The following CACNA2D1 variants were observed in gnomAD, a reference collection of about 807,000 sequenced individuals.
The protein encoded by CACNA2D1 is voltage-dependent calcium channel subunit alpha-2/delta-1.
CACNA2D1 carries 53 observed loss-of-function variants against 171.5 expected under a neutral mutation model. The ratio of observed to expected loss-of-function variants is 0.31; its 90% CI spans 0.25 to 0.39. CACNA2D1 has a LOEUF of 0.39. CACNA2D1 is among the 10% of genes least tolerant of loss of function. The pLI is 1.00. For synonymous variants in CACNA2D1, 442 were observed against 443.1 expected (o/e 1.00, Z 0.03); for missense variants, 903 against 1,299.8 (o/e 0.69, Z 4.69).
At chr7:81,978,822 T>C (rs1981679) in intron 24 of CACNA2D1, among the ~76,000 whole-genome samples, 1 of 33,340 alleles carries the variant, frequency 3.0e-5, no homozygotes, top group Non-Finnish European at 6.2e-5. Flanking sequence ...ATATATATAT[T>C]TATTTATTTA....
At chr7:82,130,498 A>G (rs1006838703) in intron 5 of CACNA2D1, among the ~76,000 whole-genome samples, 3 of 152,040 alleles carry the variant, frequency 2.0e-5, no homozygotes, top group Non-Finnish European at 4.4e-5. Context: ...ATAATCATAA[A>G]ATGAGATAAT....
chr7:82,371,796 G>C (rs1410430816), intron 1 of CACNA2D1, among the ~76,000 whole-genome samples: 1 of 151,934 alleles, frequency 6.6e-6, no homozygotes, highest in Non-Finnish European at 1.5e-5. Flanking sequence ...GGTTGGTCTC[G>C]AACTCCTGAC....
chr7:82,126,003 C>T (rs1790294748), intron 5 of CACNA2D1, among the ~76,000 whole-genome samples: 1 of 152,142 alleles, frequency 6.6e-6, no homozygotes, highest in Non-Finnish European at 1.5e-5. Context: ...TAATGTTTTT[C>T]ACAATTACAT....
At chr7:82,326,244 T>G (rs1470333266) in intron 3 of CACNA2D1, among the ~76,000 whole-genome samples, 1 of 152,234 alleles carries the variant, frequency 6.6e-6, no homozygotes, top group Non-Finnish European at 1.5e-5. Flanking sequence ...CTTAGTGATA[T>G]TTTTGTGACC....
intron 1 of CACNA2D1, among the ~76,000 whole-genome samples, chr7:82,371,351 G>A (rs1822386594): frequency 6.6e-6 from 1 of 152,042 alleles, no homozygotes; most frequent in African/African-American, 2.4e-5. Context: ...ATGTGAGACA[G>A]TTACATCATC....
chr7:81,964,020 T>C, intron 34 of CACNA2D1, 36 bp downstream of exon 34: 1 of 1,563,794 alleles, frequency 6.4e-7, no homozygotes, highest in South Asian at 1.1e-5. Context: ...ACAACTTCTT[T>C]CTTTCATTAC....
chr7:82,258,862 C>G (rs190418798), intron 3 of CACNA2D1, among the ~76,000 whole-genome samples: 82 of 120,672 alleles, frequency 6.8e-4, no homozygotes, highest in African/African-American at 2.4e-3. Flanking sequence ...CTCCGTTGCA[C>G]AGGCTGGAGT....
intron 1 of CACNA2D1, among the ~76,000 whole-genome samples, chr7:82,411,283 G>C (rs998243234): frequency 3.9e-5 from 6 of 152,170 alleles, no homozygotes; most frequent in African/African-American, 9.7e-5. Flanking sequence ...AGATAGACCT[G>C]AGTTATAGCC....
chr7:82,443,676 G>A lies in CACNA2D1; in HGVS notation c.-217C>T. On this transcript the variant is annotated 5_prime_UTR_variant, in exon 1 of 39. Coordinates refer to ENST00000356860, the MANE Select transcript of CACNA2D1 (RefSeq NM_000722.4). ...CGGTGGCGGGCGGACCCACTAGCGT[G>A]CGTCGGCTGCTCCGCGCCGCGGCCG... is the stretch of plus-strand genomic sequence containing the variant. 1 of 1,246,668 alleles carries A rather than the reference G, an allele frequency of 8.0e-7. No individual in the cohort carries two copies. Among genetic ancestry groups the A allele is most frequent in the Non-Finnish European group, 1.0e-6 (1 of 999,680 alleles). The allele number at this position is 1,246,668 out of a possible 1,614,324, so 77.2% of individuals were successfully genotyped here.
intron 4 of CACNA2D1, among the ~76,000 whole-genome samples, chr7:82,157,015 G>C (rs17245850): frequency 0.21 from 32,179 of 152,014 alleles, 4,045 homozygotes; most frequent in Middle Eastern, 0.28. Flanking sequence ...GGAATGTAAA[G>C]CTGTTGGAGG....
intron 1 of CACNA2D1, among the ~76,000 whole-genome samples, chr7:82,376,637 G>A (rs1165259196): frequency 6.6e-6 from 1 of 152,050 alleles, no homozygotes; most frequent in Non-Finnish European, 1.5e-5. Flanking sequence ...AATTCATGTG[G>A]GTTAGAAGCC....
chr7:82,310,496 A>C (rs929208280), intron 3 of CACNA2D1, among the ~76,000 whole-genome samples: 1 of 152,082 alleles, frequency 6.6e-6, no homozygotes, highest in Non-Finnish European at 1.5e-5. Context: ...AAGTTAAATA[A>C]ATTTATTAAT....
chr7:82,203,323 C>T (rs1456595166), intron 3 of CACNA2D1, among the ~76,000 whole-genome samples: 1 of 152,158 alleles, frequency 6.6e-6, no homozygotes, highest in African/African-American at 2.4e-5. Flanking sequence ...CTTGACAGTA[C>T]TGGGACAGTA....
Position 81,959,674 on chromosome 7 carries a change from A to ATTAAGATGGTT in CACNA2D1, c.3076+35_3076+45dup, listed in dbSNP as rs763506208. The stretch of plus-strand genomic sequence containing the variant: ...AACAATGTGACAAGATTCAAAATGC[A>ATTAAGATGGTT]TTAAGATGGTTTTCCTTTCCAGATA... On this transcript the variant is annotated intron_variant, in intron 37 of 38. Transcript: ENST00000356860. The ATTAAGATGGTT allele has an allele frequency of 4.0e-5, 62 of 1,568,118 alleles. No homozygotes were observed. The East Asian group carries it at 1.4e-3, about 35-fold the overall frequency.
chr7:82,375,284 T>A (rs1822891567), intron 1 of CACNA2D1, among the ~76,000 whole-genome samples: 1 of 152,172 alleles, frequency 6.6e-6, no homozygotes, highest in Admixed American at 6.5e-5. Context: ...CAGTGGAGAA[T>A]GCAGTCACTG....
chr7:82,198,862 A>G (rs535521464), intron 3 of CACNA2D1, among the ~76,000 whole-genome samples: 2 of 152,196 alleles, frequency 1.3e-5, no homozygotes, highest in South Asian at 4.1e-4. Flanking sequence ...GCAGGTTTGA[A>G]TTACCCATAA....
intron 1 of CACNA2D1, among the ~76,000 whole-genome samples, chr7:82,429,350 G>A (rs1290232046): frequency 1.3e-4 from 20 of 152,162 alleles, no homozygotes; most frequent in Non-Finnish European, 8.8e-5. Context: ...ACTGATGTAT[G>A]TGTTTCTCTG....
In CACNA2D1 at chr7:82,099,422, CTTTTTTTTTTTTTTTTTTTTTTTTTTTT is replaced by C. The variant is rs932080938; in HGVS notation, c.527-14550_527-14523del. ...ACTCTAAAACAGGTAGCAATACCTT[CTTTTTTTTTTTTTTTTTTTTTTTTTTTT>C]TTTTTTTTTTTTTTTTTGAGACGGA... On this transcript the variant is annotated intron_variant, in intron 6 of 38. Transcript: ENST00000356860. Among the ~76,000 whole-genome samples the C allele has an allele frequency of 3.2e-4, 13 of 40,292 alleles. 1 individual carries two copies. In the East Asian group the frequency reaches 4.2e-3, roughly 13 times the overall value. 26.4% of individuals were successfully genotyped at this position (40,292 alleles called of 152,430 possible). A position where few individuals can be genotyped will look rare whatever the true frequency, so the allele number is the denominator to read the frequency against.
At chr7:82,298,545 T>C (rs2129422883) in intron 3 of CACNA2D1, among the ~76,000 whole-genome samples, 1 of 152,058 alleles carries the variant, frequency 6.6e-6, no homozygotes, top group South Asian at 2.1e-4. Flanking sequence ...AATCATACTA[T>C]GAAATTTATT....
Sources: gnomAD v4.1 joint callset for allele counts (sites outside exome capture counted in the v4.1 genomes callset) on GRCh38, gnomAD v4.1.1 for gene constraint, MANE v1.5 for transcripts, NCBI Gene and HGNC (gene_info 2026-07-23, HGNC 2026-07-21) for gene names.